PCDHA7: variants seen among roughly 807,000 people sequenced by gnomAD.
PCDHA7 encodes protocadherin alpha 7, also known as protocadherin alpha-7.
Under a neutral mutation model 57.2 loss-of-function variants are expected in PCDHA7, and 37 were observed. The observed-to-expected ratio is 0.65, with a 90% confidence interval of 0.50 to 0.85. PCDHA7 has a LOEUF of 0.85. Ranked by LOEUF, PCDHA7 falls within the 40% of genes least tolerant of loss-of-function variation. PCDHA7 has a pLI of 0.00. For synonymous variants in PCDHA7, 553 were observed against 558.8 expected, an observed-to-expected ratio of 0.99 and a Z score of 0.15; for missense variants, 1,188 against 1,241.8, an observed-to-expected ratio of 0.96 and a Z score of 0.65.
chr5:140,883,995 C>A (rs1371206040), intron 1 of PCDHA7: 2 of 1,612,878 alleles, frequency 1.2e-6, no homozygotes, highest in Non-Finnish European at 8.5e-7. Flanking sequence ...GCGGGAGGCA[C>A]AGTGAGCGAG....
intron 3 of PCDHA7, among the ~76,000 whole-genome samples, chr5:140,994,851 A>C (rs1178274121): frequency 1.3e-5 from 2 of 149,076 alleles, no homozygotes; most frequent in African/African-American, 5.2e-5. Flanking sequence ...AGATGAGTGC[A>C]TTTGATGGAT....
At chr5:140,974,372 G>A (rs782769705) in intron 1 of PCDHA7, among the ~76,000 whole-genome samples, 28 of 152,076 alleles carry the variant, frequency 1.8e-4, no homozygotes, top group Non-Finnish European at 4.0e-4. Flanking sequence ...AGCACTTTCT[G>A]TTGTACTGGA....
intron 1 of PCDHA7, among the ~76,000 whole-genome samples, chr5:140,922,023 T>TA (rs530025575): frequency 3.9e-5 from 6 of 151,968 alleles, no homozygotes; most frequent in African/African-American, 1.4e-4. Flanking sequence ...AAAATAAATA[T>TA]AAAAAATGTA....
At chr5:140,841,381 C>T (rs2150314479) in intron 1 of PCDHA7, 1 of 1,613,486 alleles carries the variant, frequency 6.2e-7, no homozygotes, top group Non-Finnish European at 8.5e-7. Flanking sequence ...TGCTTCTGCT[C>T]CTCGCAGCCT....
At position 140,840,546 on chromosome 5, in the gene PCDHA7, T is replaced by C. The variant is rs2150307753; in HGVS notation, c.2355+3808T>C. ...AGATGAAGAACTAACAAGCCAATGATGGCAATACTGCTAGAGTTTGGCATG... is the reference window on the plus strand; with the variant it reads ...AGATGAAGAACTAACAAGCCAATGACGGCAATACTGCTAGAGTTTGGCATG... On this transcript the variant is annotated intron_variant, in intron 1 of 3. Coordinates refer to ENST00000525929, the MANE Select transcript of PCDHA7 (RefSeq NM_018910.3). 2.8e-4 allele frequency among the ~76,000 whole-genome samples: 42 copies of C among 152,170 alleles called. 1 individual carries two copies. The highest frequency in any genetic ancestry group is 9.9e-4 in the African/African-American group (41 of 41,470).
chr5:140,843,097 G>A lies in PCDHA7; in HGVS notation c.2355+6359G>A, dbSNP rs2150352521. 1.9e-6 allele frequency: 3 copies of A among 1,595,590 alleles called. 1 individual carries two copies. The highest frequency in any genetic ancestry group is 1.1e-5 in the South Asian group (1 of 90,512). On this transcript the variant is annotated intron_variant, in intron 1 of 3. Transcript: ENST00000525929. ...CTGTGGGCGCGGGCCACGTGGTAGCGAAGGTGCGCGCAGTGGACGCCGACT... is the reference window on the plus strand; with the variant it reads ...CTGTGGGCGCGGGCCACGTGGTAGCAAAGGTGCGCGCAGTGGACGCCGACT...
At chr5:140,929,294 G>A in intron 1 of PCDHA7, 1 of 1,594,058 alleles carries the variant, frequency 6.3e-7, no homozygotes, top group Non-Finnish European at 8.6e-7. Flanking sequence ...ATTCGGAATA[G>A]GAAAGGGGAT....
intron 1 of PCDHA7, chr5:140,875,619 T>G (rs369772491): frequency 7.7e-5 from 125 of 1,613,602 alleles, no homozygotes; most frequent in African/African-American, 7.5e-4. Flanking sequence ...GCCGCATCGC[T>G]CAGGACCTGG....
At chr5:140,875,837 A>T in intron 1 of PCDHA7, 1 of 1,614,140 alleles carries the variant, frequency 6.2e-7, no homozygotes, top group Non-Finnish European at 8.5e-7. Context: ...GTGGACGTGG[A>T]GGTGAAGGAC....
chr5:140,877,193 G>T, intron 1 of PCDHA7: 1 of 1,613,832 alleles, frequency 6.2e-7, no homozygotes, highest in Non-Finnish European at 8.5e-7. Flanking sequence ...GGCAGCGCAG[G>T]AGGCGCAGTT....
At chr5:140,925,641 T>TATAATAATAATAATA (rs10569930) in intron 1 of PCDHA7, among the ~76,000 whole-genome samples, 21 of 143,352 alleles carry the variant, frequency 1.5e-4, no homozygotes, top group East Asian at 6.1e-4. Context: ...GAACTTAAAG[T>TATAATAATAATAATA]ATAATAATAA....
At chr5:140,978,422 T>C (rs1554239303) in intron 1 of PCDHA7, among the ~76,000 whole-genome samples, 2 of 152,218 alleles carry the variant, frequency 1.3e-5, no homozygotes, top group Non-Finnish European at 2.9e-5. Flanking sequence ...AAGAGACTGT[T>C]ATCAGTTGCT....
intron 1 of PCDHA7, among the ~76,000 whole-genome samples, chr5:140,846,666 G>A (rs1419138961): frequency 6.7e-6 from 1 of 149,080 alleles, no homozygotes; most frequent in Non-Finnish European, 1.5e-5. Flanking sequence ...GAGCCACCGC[G>A]CCCAGCCTAA....
In PCDHA7 at chr5:140,842,984, G is replaced by A. The variant is rs2150349206; in HGVS notation, c.2355+6246G>A. 26 of 1,594,918 alleles carry A rather than the reference G, an allele frequency of 1.6e-5. 1 individual carries two copies. The East Asian group carries it at 4.7e-4, about 29-fold the overall frequency. On this transcript the variant is annotated intron_variant, in intron 1 of 3. Coordinates refer to ENST00000525929, the MANE Select transcript of PCDHA7 (RefSeq NM_018910.3). ...CAGCAACGTGACGCTGCAGGTGTTCGTGCTGGACGAGAATGACAACGCGCC... is the reference window on the plus strand; with the variant it reads ...CAGCAACGTGACGCTGCAGGTGTTCATGCTGGACGAGAATGACAACGCGCC...
At chr5:140,989,171 G>A (rs2097331816) in intron 3 of PCDHA7, among the ~76,000 whole-genome samples, 1 of 152,116 alleles carries the variant, frequency 6.6e-6, no homozygotes, top group African/African-American at 2.4e-5. Flanking sequence ...GCATAAAACA[G>A]GAGAGTTTCT....
At chr5:140,849,956 C>A in intron 1 of PCDHA7, 1 of 1,597,918 alleles carries the variant, frequency 6.3e-7, no homozygotes, top group African/African-American at 1.3e-5. Flanking sequence ...CGCAGGAGAA[C>A]GCCCTGGTGT....
intron 3 of PCDHA7, among the ~76,000 whole-genome samples, chr5:140,985,454 A>G (rs1378044295): frequency 1.3e-5 from 2 of 152,188 alleles, no homozygotes; most frequent in Non-Finnish European, 2.9e-5. Context: ...GAAAAGGGAA[A>G]TGCTCCAAAA....
At chr5:140,914,944 CTTTT>C (rs35695909) in intron 1 of PCDHA7, among the ~76,000 whole-genome samples, 298 of 128,244 alleles carry the variant, frequency 2.3e-3, no homozygotes, top group African/African-American at 8.2e-3. Flanking sequence ...GAAAAGTTGT[CTTTT>C]TTTTTTTTTT....
chr5:140,942,540 G>T (rs1013086382), intron 1 of PCDHA7, among the ~76,000 whole-genome samples: 52 of 152,164 alleles, frequency 3.4e-4, no homozygotes, highest in African/African-American at 1.1e-3. Flanking sequence ...TCAGTATGGT[G>T]GGGGGTAGGG....
Sources: allele counts gnomAD v4.1 joint callset (sites outside exome capture counted in the v4.1 genomes callset), GRCh38; gene constraint gnomAD v4.1.1; transcripts MANE v1.5; gene names NCBI Gene and HGNC (gene_info 2026-07-23, HGNC 2026-07-21).